Variants in AFF1 observed in about 807,000 individuals in gnomAD.
The protein encoded by AFF1 is AF4/FMR2 family member 1.
A neutral mutation model predicts 121.7 loss-of-function variants in AFF1; 48 were observed. The observed-to-expected ratio is 0.39, with a 90% confidence interval of 0.31 to 0.50. AFF1 has a LOEUF of 0.50. Among genes scored for constraint, AFF1 ranks in the 20% least tolerant of loss-of-function variants. The pLI is 0.76. For synonymous variants in AFF1, 613 were observed against 563.0 expected (o/e 1.09, Z -1.26); for missense variants, 1,523 against 1,511.7 (o/e 1.01, Z -0.12).
intron 2 of AFF1, among the ~76,000 whole-genome samples, chr4:86,979,075 A>G (rs999069490): frequency 6.6e-6 from 1 of 152,030 alleles, no homozygotes; most frequent in African/African-American, 2.4e-5. Context: ...GGAATCACTG[A>G]ATACCGTCTC....
chr4:86,981,700 C>T (rs926743339), intron 2 of AFF1, among the ~76,000 whole-genome samples: 5 of 152,150 alleles, frequency 3.3e-5, no homozygotes, highest in African/African-American at 1.2e-4. Context: ...GCTCCAGCCC[C>T]CAACACGGTG....
intron 2 of AFF1, among the ~76,000 whole-genome samples, chr4:87,038,781 A>T (rs1729816744): frequency 2.0e-5 from 3 of 152,156 alleles, no homozygotes; most frequent in Admixed American, 1.3e-4. Flanking sequence ...TGATTTTAGG[A>T]TTTTCCCTTT....
chr4:87,014,784 T>A (rs567959279), intron 2 of AFF1, among the ~76,000 whole-genome samples: 1 of 152,356 alleles, frequency 6.6e-6, no homozygotes, highest in African/African-American at 2.4e-5. Flanking sequence ...TCTCCCCCAC[T>A]TCTCCCATTC....
chr4:87,050,151 AG>A lies in AFF1; in HGVS notation c.1059+2559del, dbSNP rs1560575707. On this transcript the variant is annotated intron_variant, in intron 4 of 20. Transcript: ENST00000395146. The stretch of plus-strand genomic sequence containing the variant: ...CCCAGAGCAGGTAAACTTTGAATAT[AG>A]GTGAGAATATTACCAATAGCCTGGG... Among the ~76,000 whole-genome samples, 4 of 152,312 alleles carry A rather than the reference AG, an allele frequency of 2.6e-5. No homozygotes were observed. In the South Asian group the frequency reaches 8.3e-4, roughly 32 times the overall value.
At chr4:87,008,474 C>A (rs927821681) in intron 2 of AFF1, among the ~76,000 whole-genome samples, 1 of 152,136 alleles carries the variant, frequency 6.6e-6, no homozygotes, top group African/African-American at 2.4e-5. Flanking sequence ...TTTTATATTT[C>A]TTCTTCTCAA....
intron 4 of AFF1, among the ~76,000 whole-genome samples, chr4:87,071,484 TAAAG>T (rs1722048333): frequency 6.6e-6 from 1 of 152,178 alleles, no homozygotes; most frequent in African/African-American, 2.4e-5. Flanking sequence ...GTATGCCAGT[TAAAG>T]AAATTCAAGT....
intron 4 of AFF1, among the ~76,000 whole-genome samples, chr4:87,077,611 T>G (rs1397382220): frequency 1.3e-5 from 2 of 151,854 alleles, no homozygotes; most frequent in Non-Finnish European, 2.9e-5. Flanking sequence ...TTTCTGGAAG[T>G]AATTGATGTT....
At chr4:87,088,605 AT>A (rs11296813) in intron 5 of AFF1, among the ~76,000 whole-genome samples, 64,219 of 149,600 alleles carry the variant, frequency 0.43, 13,902 homozygotes, top group South Asian at 0.51. Flanking sequence ...TTGTATGTCA[AT>A]TTTTTTTTTT....
intron 4 of AFF1, among the ~76,000 whole-genome samples, chr4:87,068,040 A>T (rs1482782359): frequency 6.6e-6 from 1 of 150,626 alleles, no homozygotes; most frequent in Admixed American, 6.6e-5. Flanking sequence ...TTAACAAGTA[A>T]CCTCAGTAAA....
In AFF1 at chr4:86,948,500, G is replaced by T; in HGVS notation, c.-34G>T. The stretch of plus-strand genomic sequence containing the variant: ...GCTACTCTTTGTTTCTCTTTCAGAT[G>T]AACAGACTAGCCACTTTGCATTGAC... On this transcript the variant is annotated splice_region_variant and 5_prime_UTR_variant, in exon 2 of 21. An upstream start codon of the reference 5' UTR is lost. Coordinates refer to ENST00000395146, the MANE Select transcript of AFF1 (RefSeq NM_001166693.3). 1 of 1,533,568 alleles carries T rather than the reference G, an allele frequency of 6.5e-7. No individual in the cohort carries two copies. Among genetic ancestry groups the T allele is most frequent in the South Asian group, 1.2e-5 (1 of 83,742 alleles). 95.0% of individuals were successfully genotyped at this position (1,533,568 alleles called of 1,614,324 possible). A position where few individuals can be genotyped will look rare whatever the true frequency, so the allele number is the denominator to read the frequency against.
intron 15 of AFF1, 49 bp downstream of exon 15, chr4:87,127,166 T>TCCCCCCCCCCCCCCCC (rs367995603): frequency 9.9e-7 from 1 of 1,012,590 alleles, no homozygotes; most frequent in East Asian, 3.6e-5. Flanking sequence ...TTGTTTTGCT[T>TCCCCCCCCCCCCCCCC]CCCCCCCCCA....
chr4:87,034,818 T>C (rs1369765889), intron 2 of AFF1, among the ~76,000 whole-genome samples: 1 of 151,836 alleles, frequency 6.6e-6, no homozygotes, highest in East Asian at 1.9e-4. Context: ...TGAGTCACAT[T>C]TTGTCGTTAG....
chr4:86,978,495 A>G (rs553801512), intron 2 of AFF1, among the ~76,000 whole-genome samples: 10 of 152,002 alleles, frequency 6.6e-5, no homozygotes, highest in Non-Finnish European at 1.5e-4. Flanking sequence ...ATTCACTTTT[A>G]TATTATGATA....
chr4:86,990,750 CTG>C, intron 2 of AFF1, among the ~76,000 whole-genome samples: 1 of 152,174 alleles, frequency 6.6e-6, no homozygotes, highest in East Asian at 1.9e-4. Context: ...TGATTCAACT[CTG>C]AGAATAAATG....
intron 2 of AFF1, among the ~76,000 whole-genome samples, chr4:86,966,232 G>A (rs1307124698): frequency 6.6e-6 from 1 of 152,116 alleles, no homozygotes; most frequent in Non-Finnish European, 1.5e-5. Flanking sequence ...AGCACCTACT[G>A]TGTGCAGAGT....
At chr4:86,999,101 ACTC>A (rs1420812049) in intron 2 of AFF1, among the ~76,000 whole-genome samples, 6 of 151,874 alleles carry the variant, frequency 4.0e-5, no homozygotes, top group Middle Eastern at 3.4e-3. Context: ...AGGCATCACT[ACTC>A]CTTCGCACTC....
intron 2 of AFF1, among the ~76,000 whole-genome samples, chr4:87,004,436 AC>A (rs1455368559): frequency 6.6e-6 from 1 of 152,182 alleles, no homozygotes; most frequent in African/African-American, 2.4e-5. Context: ...CCTAAATAAA[AC>A]TTTTATAAAA....
chr4:86,949,422 T>C lies in AFF1; in HGVS notation c.38+851T>C, dbSNP rs1307539949. On this transcript the variant is annotated intron_variant, in intron 2 of 20. Coordinates refer to ENST00000395146, the MANE Select transcript of AFF1 (RefSeq NM_001166693.3). ...GAGCCTCTGCGCTACTCCAAAAACG[T>C]ATTAAATGTTTTTAAATGTTACTAC... Among the ~76,000 whole-genome samples the C allele has an allele frequency of 2.0e-5, 3 of 150,820 alleles. No individual in the cohort carries two copies. In the East Asian group the frequency reaches 5.8e-4, roughly 29 times the overall value.
chr4:87,004,872 CTGTAAG>C (rs1325628976), intron 2 of AFF1, among the ~76,000 whole-genome samples: 1 of 152,112 alleles, frequency 6.6e-6, no homozygotes, highest in Non-Finnish European at 1.5e-5. Context: ...TACCAAAACT[CTGTAAG>C]TGTTAGTTTC....
Sources: gnomAD v4.1 joint callset for allele counts (sites outside exome capture counted in the v4.1 genomes callset) on GRCh38, gnomAD v4.1.1 for gene constraint, MANE v1.5 for transcripts, NCBI Gene and HGNC (gene_info 2026-07-23, HGNC 2026-07-21) for gene names.